ACY1: variants seen among roughly 807,000 people sequenced by gnomAD.
The protein encoded by ACY1 is aminoacylase 1, also known as aminoacylase-1.
A neutral mutation model predicts 53.3 loss-of-function variants in ACY1; 38 were observed. The observed-to-expected ratio is 0.71, with a 90% CI of 0.55 to 0.93. The LOEUF (loss-of-function observed/expected upper bound fraction) is 0.93, where lower values mean the gene tolerates loss of function less well. Among genes scored for constraint, ACY1 ranks in the 40% least tolerant of loss-of-function variants. ACY1 has a pLI of 0.00. For missense variants in ACY1, 484 were observed against 540.9 expected, an observed-to-expected ratio of 0.89 and a Z score of 1.04; for synonymous variants, 177 against 202.1, an observed-to-expected ratio of 0.88 and a Z score of 1.05.
chr3:51,988,296 T>A (rs1701145767), intron 12 of ACY1: 1 of 620,308 alleles, frequency 1.6e-6, no homozygotes, highest in Admixed American at 2.4e-5. Flanking sequence ...TGGGCTAGGA[T>A]CTGAAGGATG....
chr3:51,987,096 A>G, intron 9 of ACY1, 35 bp downstream of exon 9: 1 of 1,614,006 alleles, frequency 6.2e-7, no homozygotes, highest in East Asian at 2.2e-5. Context: ...CTGGGAGTTC[A>G]GGAGGCTCTA....
intron 8 of ACY1, 59 bp downstream of exon 8, chr3:51,986,720 G>A (rs1701076174): frequency 2.1e-5 from 33 of 1,595,988 alleles, no homozygotes; most frequent in Non-Finnish European, 2.7e-5. Flanking sequence ...GCCAGAAAGG[G>A]CACGGTCCTA....
chr3:51,986,866 G>C, intron 8 of ACY1, 122 bp from the exon 9 acceptor site: 1 of 1,279,836 alleles, frequency 7.8e-7, no homozygotes, highest in Non-Finnish European at 1.1e-6. Flanking sequence ...TACGGGCCCT[G>C]AGTGGGGACA....
chr3:51,986,941 C>T (rs751082521), intron 8 of ACY1, 47 bp from the exon 9 acceptor site: 5 of 1,589,488 alleles, frequency 3.1e-6, no homozygotes, highest in Non-Finnish European at 3.4e-6. Flanking sequence ...GATTGTGTCT[C>T]CAGCCCCTCA....
At chr3:51,984,022 A>C (rs759452517) in intron 1 of ACY1, 25 bp from the exon 2 acceptor site, 4 of 1,529,816 alleles carry the variant, frequency 2.6e-6, no homozygotes, top group Admixed American at 1.7e-5. Context: ...TTGGAGGGGT[A>C]GTTAGCCATT....
chr3:51,985,957 T>C lies in ACY1; in HGVS notation c.359+11T>C. 1.2e-6 allele frequency: 2 copies of C among 1,605,726 alleles called. No homozygotes were observed. Among genetic ancestry groups the C allele is most frequent in the Non-Finnish European group, 1.7e-6 (2 of 1,175,494 alleles). On this transcript the variant is annotated intron_variant, in intron 5 of 14. Coordinates refer to ENST00000636358, the MANE Select transcript of ACY1 (RefSeq NM_000666.3). The stretch of plus-strand genomic sequence containing the variant: ...GTGCGTCAGCATCCAGTGAGTGTCC[T>C]CCATTCCTACTCCTCCACAATGTCC...
At chr3:51,986,546 A>T (rs745705587) in intron 7 of ACY1, 42 bp downstream of exon 7, 1 of 1,613,888 alleles carries the variant, frequency 6.2e-7, no homozygotes, top group Non-Finnish European at 8.5e-7. Flanking sequence ...GGCAGGGAGT[A>T]GGAGGCTGCT....
Position 51,986,339 on chromosome 3 carries a change from T to C in ACY1, c.436+8T>C. ...ACATGACCTTTGTGCCTGGTAGGAG[T>C]GGCTCAGATACCTTTGGGAAAGGGG... On this transcript the variant is annotated splice_region_variant and intron_variant, in intron 6 of 14. Transcript: ENST00000636358. The C allele has an allele frequency of 7.5e-7, 1 of 1,332,516 alleles. No individual in the cohort carries two copies. Among genetic ancestry groups the C allele is most frequent in the Non-Finnish European group, 1.0e-6 (1 of 1,003,672 alleles). 82.5% of individuals were successfully genotyped at this position (1,332,516 alleles called of 1,614,324 possible).
chr3:51,983,545 A>G lies in ACY1; in HGVS notation c.-63A>G, dbSNP rs1471987872. 2 of 193,608 alleles carry G rather than the reference A, an allele frequency of 1.0e-5. No homozygotes were observed. Among genetic ancestry groups the G allele is most frequent in the Admixed American group, 5.4e-5 (1 of 18,584 alleles). 12.0% of individuals were successfully genotyped at this position (193,608 alleles called of 1,614,324 possible). ...CCCTAAGTCCAGGCCACAGTCAGGGAAGGGCGCTGAGAGGCGAGCGTGAGC... is the reference window on the plus strand; with the variant it reads ...CCCTAAGTCCAGGCCACAGTCAGGGGAGGGCGCTGAGAGGCGAGCGTGAGC... On this transcript the variant is annotated 5_prime_UTR_variant, in exon 1 of 15. Transcript: ENST00000636358.
intron 1 of ACY1, 108 bp downstream of exon 1, chr3:51,983,697 C>CTTTT (rs11442467): frequency 4.3e-6 from 1 of 234,386 alleles, no homozygotes; most frequent in Non-Finnish European, 8.3e-6. Flanking sequence ...TTGTTTTTGC[C>CTTTT]TTTTTTTTTT....
intron 2 of ACY1, 144 bp downstream of exon 2, chr3:51,984,302 G>A (rs1700982981): frequency 2.7e-6 from 2 of 750,582 alleles, no homozygotes; most frequent in South Asian, 1.5e-5. Flanking sequence ...CATTCCCCAA[G>A]TAAATAGACT....
At chr3:51,988,307 G>T (rs763568788) in intron 12 of ACY1, 4 of 631,224 alleles carry the variant, frequency 6.3e-6, no homozygotes, top group South Asian at 1.8e-5. Flanking sequence ...CTGAAGGATG[G>T]ACAGGAGGTA....
intron 2 of ACY1, 175 bp downstream of exon 2, chr3:51,984,333 G>A (rs1478359708): frequency 1.5e-6 from 1 of 679,214 alleles, no homozygotes; most frequent in Non-Finnish European, 2.7e-6. Context: ...CTCCAGGTTA[G>A]GGAGGAACCC....
chr3:51,985,516 G>A (rs1701026530), intron 4 of ACY1, 51 bp downstream of exon 4: 2 of 1,556,810 alleles, frequency 1.3e-6, no homozygotes, highest in Non-Finnish European at 1.8e-6. Flanking sequence ...GGACAGACAT[G>A]ATGCAGACCC....
rs1209559059 is a variant in ACY1, at chr3:51,988,368, AAG to A, written c.922-153_922-152del. The A allele has an allele frequency of 6.9e-6, 5 of 723,658 alleles. No homozygotes were observed. In the African/African-American group the frequency reaches 8.7e-5, roughly 13 times the overall value. The allele number at this position is 723,658 out of a possible 1,614,324, so 44.8% of individuals were successfully genotyped here. A position where few individuals can be genotyped will look rare whatever the true frequency, so the allele number is the denominator to read the frequency against. On this transcript the variant is annotated intron_variant, in intron 12 of 14. Transcript: ENST00000636358. ...AGACCTAGGACATTTGAGGGGCTGA[AAG>A]AGGACCTGTGGCTGGACTGGCTACC... is the stretch of plus-strand genomic sequence containing the variant.
intron 4 of ACY1, 91 bp downstream of exon 4, chr3:51,985,556 C>A: frequency 7.9e-7 from 1 of 1,268,236 alleles, no homozygotes; most frequent in Non-Finnish European, 1.1e-6. Flanking sequence ...GCTCATGGTC[C>A]TGGCCCCAGT....
chr3:51,987,304 C>T lies in ACY1; in HGVS notation c.708-5C>T. 1.2e-6 allele frequency: 2 copies of T among 1,614,126 alleles called. No homozygotes were observed. Among genetic ancestry groups the T allele is most frequent in the South Asian group, 1.1e-5 (1 of 91,092 alleles). On this transcript the variant is annotated splice_region_variant and splice_polypyrimidine_tract_variant and intron_variant, in intron 10 of 14. Coordinates refer to ENST00000636358, the MANE Select transcript of ACY1 (RefSeq NM_000666.3). ...TGCTGCCGCTACCCTGCCCCCACAC[C>T]ACAGGCTGCAGTCAAACCCCCACCT...
chr3:51,986,700 G>A lies in ACY1; in HGVS notation c.583+39G>A, dbSNP rs918750710. 8.7e-6 allele frequency: 14 copies of A among 1,609,614 alleles called. No homozygotes were observed. The Admixed American group carries it at 1.2e-4, about 13-fold the overall frequency. ...TGGAGGGAGGGCTCACTCTACAGGC[G>A]GGAGGCTAGGCCAGAAAGGGCACGG... On this transcript the variant is annotated intron_variant, in intron 8 of 14. Coordinates refer to ENST00000636358, the MANE Select transcript of ACY1 (RefSeq NM_000666.3).
chr3:51,985,702 C>T, intron 4 of ACY1, 150 bp from the exon 5 acceptor site: 2 of 798,564 alleles, frequency 2.5e-6, no homozygotes, highest in Non-Finnish European at 4.2e-6. Flanking sequence ...TGGCAATCAG[C>T]TGCCTTCTTC....
Sources: gnomAD v4.1 joint callset for allele counts on GRCh38, gnomAD v4.1.1 for gene constraint, MANE v1.5 for transcripts, NCBI Gene and HGNC (gene_info 2026-07-23, HGNC 2026-07-21) for gene names.